VAV2: variants seen among roughly 807,000 people sequenced by gnomAD.
VAV2 encodes guanine nucleotide exchange factor VAV2.
Under a neutral mutation model 132.5 loss-of-function variants are expected in VAV2, and 67 were observed. That is an observed-to-expected ratio of 0.51 (90% CI 0.42 to 0.62). The LOEUF is 0.62. Among genes scored for constraint, VAV2 ranks in the 20% least tolerant of loss-of-function variants. The pLI is 0.00. For missense variants in VAV2, 938 were observed against 1,153.6 expected, an observed-to-expected ratio of 0.81 and a Z score of 2.71; for synonymous variants, 492 against 443.5, an observed-to-expected ratio of 1.11 and a Z score of -1.37.
At position 133,961,997 on chromosome 9, in the gene VAV2, C is replaced by T. The variant is rs1841980744; in HGVS notation, c.205-22778G>A. Reference sequence around the variant, plus strand: ...GACCCTCTTCCTGAATGGTCCTCAGCCACCACCATCCCCACCTTGATGGCC... The same window carrying T: ...GACCCTCTTCCTGAATGGTCCTCAGTCACCACCATCCCCACCTTGATGGCC... On this transcript the variant is annotated intron_variant, in intron 1 of 29. Transcript: ENST00000371850. This position sits in a 1 kb window ranked among gnomAD's most constrained non-coding sequence, Gnocchi z 4.1. 6.6e-6 allele frequency among the ~76,000 whole-genome samples: 1 copy of T among 152,182 alleles called. No homozygotes were observed. Among genetic ancestry groups the T allele is most frequent in the South Asian group, 2.1e-4 (1 of 4,830 alleles).
At position 133,885,284 on chromosome 9, in the gene VAV2, C is replaced by T. The variant is rs902852687; in HGVS notation, c.322-23852G>A. Among the ~76,000 whole-genome samples the T allele has an allele frequency of 2.0e-5, 3 of 152,222 alleles. No individual in the cohort carries two copies. Among genetic ancestry groups the T allele is most frequent in the African/African-American group, 7.2e-5 (3 of 41,470 alleles). On this transcript the variant is annotated intron_variant, in intron 2 of 29. Coordinates refer to ENST00000371850, the MANE Select transcript of VAV2 (RefSeq NM_001134398.2). The surrounding 1 kb of genome is among the most constrained non-coding windows in gnomAD (Gnocchi z 5.0). Reference sequence around the variant, plus strand: ...GCTGTCTACTTGGTCCATGTCCAGCCGCAGTGGAAGCGCCTGCCCTGCCCA... The same window carrying T: ...GCTGTCTACTTGGTCCATGTCCAGCTGCAGTGGAAGCGCCTGCCCTGCCCA...
chr9:133,868,998 CT>C lies in VAV2; in HGVS notation c.322-7567del, dbSNP rs112644029. Among the ~76,000 whole-genome samples, 923 of 142,216 alleles carry C rather than the reference CT, an allele frequency of 6.5e-3. 3 individuals carry two copies. The highest frequency in any genetic ancestry group is 0.014 in the African/African-American group (555 of 38,638). The allele number at this position is 142,216 out of a possible 152,430, so 93.3% of individuals were successfully genotyped here. On this transcript the variant is annotated intron_variant, in intron 2 of 29. Transcript: ENST00000371850. ...TATGGTGAGTCCCCATCTATTTATT[CT>C]TTTTTTTTTTTTTTGAGACAGAGTT...
chr9:133,887,629 C>T (rs1270784139), intron 2 of VAV2, among the ~76,000 whole-genome samples: 6 of 152,116 alleles, frequency 3.9e-5, no homozygotes, highest in African/African-American at 9.7e-5. Flanking sequence ...CCACGGACTC[C>T]ACTTACCCCC....
intron 15 of VAV2, among the ~76,000 whole-genome samples, chr9:133,787,637 C>T (rs1413887416): frequency 2.1e-5 from 3 of 140,602 alleles, no homozygotes; most frequent in African/African-American, 5.2e-5. Context: ...GGGCTGCACA[C>T]GGTAGCTGCT....
At chr9:133,864,088 T>C (rs372464981) in intron 2 of VAV2, among the ~76,000 whole-genome samples, 224 of 152,316 alleles carry the variant, frequency 1.5e-3, no homozygotes, top group African/African-American at 5.0e-3. Context: ...TCTTCCGATA[T>C]CGCAAATGTC....
intron 4 of VAV2, among the ~76,000 whole-genome samples, chr9:133,822,054 C>G (rs1158724273): frequency 2.6e-5 from 4 of 152,184 alleles, no homozygotes; most frequent in African/African-American, 9.7e-5. Flanking sequence ...GCCACCTTCA[C>G]CTTCTGCCCG....
chr9:133,840,637 C>A lies in VAV2; in HGVS notation c.381-6297G>T, dbSNP rs1230550477. Among the ~76,000 whole-genome samples the A allele has an allele frequency of 6.6e-6, 1 of 152,214 alleles. No homozygotes were observed. The highest frequency in any genetic ancestry group is 2.4e-5 in the African/African-American group (1 of 41,460). ...GCAGAGGAAACACAGCTCCTGCTTC[C>A]AAAGAGCTCCTTCACTCTCCTCCCG... On this transcript the variant is annotated intron_variant, in intron 3 of 29. Transcript: ENST00000371850. This position sits in a 1 kb window ranked among gnomAD's most constrained non-coding sequence, Gnocchi z 4.5.
chr9:133,763,805 C>A lies in VAV2; in HGVS notation c.*257G>T. The A allele has an allele frequency of 2.0e-6, 1 of 511,766 alleles. No individual in the cohort carries two copies. 31.7% of individuals were successfully genotyped at this position (511,766 alleles called of 1,614,324 possible). Reference sequence around the variant, plus strand: ...CCTGGCTCGCAGCGCTGTCGGTGCCCCCTCCTCTGCGCTCTGGGTGGGGCT... The same window carrying A: ...CCTGGCTCGCAGCGCTGTCGGTGCCACCTCCTCTGCGCTCTGGGTGGGGCT... On this transcript the variant is annotated 3_prime_UTR_variant, in exon 30 of 30. Coordinates refer to ENST00000371850, the MANE Select transcript of VAV2 (RefSeq NM_001134398.2). The surrounding 1 kb of genome is among the most constrained non-coding windows in gnomAD (Gnocchi z 6.8).
rs1356525902 is a variant in VAV2 at position 133,912,586 on chromosome 9, C to T, written c.321+26517G>A. On this transcript the variant is annotated intron_variant, in intron 2 of 29. Coordinates refer to ENST00000371850, the MANE Select transcript of VAV2 (RefSeq NM_001134398.2). The surrounding 1 kb of genome is among the most constrained non-coding windows in gnomAD (Gnocchi z 4.3). ...GAGGTTCCTGCACCCTAACGTGTTGCTTCTCTGCCCATTTCAATCGCGGAA... is the reference window on the plus strand; with the variant it reads ...GAGGTTCCTGCACCCTAACGTGTTGTTTCTCTGCCCATTTCAATCGCGGAA... 6.6e-6 allele frequency among the ~76,000 whole-genome samples: 1 copy of T among 152,166 alleles called. No homozygotes were observed. The highest frequency in any genetic ancestry group is 2.4e-5 in the African/African-American group (1 of 41,448).
At chr9:133,902,753 T>C (rs574921700) in intron 2 of VAV2, among the ~76,000 whole-genome samples, 3 of 152,226 alleles carry the variant, frequency 2.0e-5, no homozygotes, top group African/African-American at 7.2e-5. Context: ...TGGGACCTAA[T>C]CCAATATGAC....
intron 7 of VAV2, among the ~76,000 whole-genome samples, chr9:133,808,148 G>A (rs1199142905): frequency 2.0e-5 from 3 of 152,162 alleles, no homozygotes; most frequent in Non-Finnish European, 2.9e-5. Context: ...GGCCCTGGCA[G>A]AGGCTGACCT....
intron 1 of VAV2, among the ~76,000 whole-genome samples, chr9:133,985,754 A>G (rs1051634533): frequency 2.0e-5 from 3 of 152,230 alleles, no homozygotes; most frequent in African/African-American, 7.2e-5. Context: ...TGTCCTCTGC[A>G]GCTCGAAGAA....
At chr9:133,877,989 G>A (rs184880062) in intron 2 of VAV2, among the ~76,000 whole-genome samples, 1 of 152,320 alleles carries the variant, frequency 6.6e-6, no homozygotes, top group East Asian at 1.9e-4. Context: ...AGGAGTGCCT[G>A]GAAGGGCCTG....
intron 2 of VAV2, among the ~76,000 whole-genome samples, chr9:133,921,395 C>A (rs1213227315): frequency 6.6e-6 from 1 of 152,224 alleles, no homozygotes; most frequent in Non-Finnish European, 1.5e-5. Context: ...CTCAGCACTT[C>A]AGGAGGCAGA....
rs138252589 is a variant in VAV2 at position 133,839,559 on chromosome 9, C to T, written c.381-5219G>A. ...TCTGCCTCCCGGGTTCAAGTGATTCCCCTGTCTCAGCCTCCAAGTAGCTGG... is the reference window on the plus strand; with the variant it reads ...TCTGCCTCCCGGGTTCAAGTGATTCTCCTGTCTCAGCCTCCAAGTAGCTGG... On this transcript the variant is annotated intron_variant, in intron 3 of 29. Transcript: ENST00000371850. 9.5e-3 allele frequency among the ~76,000 whole-genome samples: 1,435 copies of T among 151,786 alleles called. 9 individuals are homozygous for T. Among genetic ancestry groups the T allele is most frequent in the Non-Finnish European group, 0.014 (976 of 67,916 alleles).
At chr9:133,770,911 T>C (rs1016621695) in intron 26 of VAV2, among the ~76,000 whole-genome samples, 2 of 152,108 alleles carry the variant, frequency 1.3e-5, no homozygotes, top group Non-Finnish European at 2.9e-5. Context: ...AAAAGTCGCC[T>C]AAAAATCAGC....
intron 2 of VAV2, among the ~76,000 whole-genome samples, chr9:133,900,947 G>A (rs1002549360): frequency 3.3e-5 from 5 of 151,624 alleles, no homozygotes; most frequent in African/African-American, 7.3e-5. Context: ...TTACAGGTGC[G>A]TGTCATCACG....
At chr9:133,924,003 C>A in intron 2 of VAV2, among the ~76,000 whole-genome samples, 1 of 151,010 alleles carries the variant, frequency 6.6e-6, no homozygotes, top group East Asian at 1.9e-4. Flanking sequence ...GGGTGGGGGA[C>A]TAGGGGAGGG....
chr9:133,787,832 C>CCA (rs1834289658), intron 15 of VAV2, among the ~76,000 whole-genome samples: 3 of 147,706 alleles, frequency 2.0e-5, no homozygotes, highest in Non-Finnish European at 4.4e-5. Flanking sequence ...GCCACAGGCC[C>CCA]CACCCCTGCA....
Sources: allele counts gnomAD v4.1 joint callset (sites outside exome capture counted in the v4.1 genomes callset), GRCh38; gene constraint gnomAD v4.1.1; non-coding constraint Gnocchi (gnomAD v3.1); transcripts MANE v1.5; gene names NCBI Gene and HGNC (gene_info 2026-07-23, HGNC 2026-07-21).